The following DPY19L3 variants were observed in gnomAD, a reference collection of about 807,000 sequenced individuals.
The protein encoded by DPY19L3 is dpy-19 like C-mannosyltransferase 3, also known as protein C-mannosyl-transferase DPY19L3.
A neutral mutation model predicts 92.3 loss-of-function variants in DPY19L3; 51 were observed. The ratio of observed to expected loss-of-function variants is 0.55; its 90% CI spans 0.44 to 0.70. The LOEUF (loss-of-function observed/expected upper bound fraction) is 0.70. Among genes scored for constraint, DPY19L3 ranks in the 30% least tolerant of loss-of-function variants. DPY19L3 has a pLI of 0.00. For missense variants in DPY19L3, 706 were observed against 855.9 expected, an observed-to-expected ratio of 0.82 and a Z score of 2.18; for synonymous variants, 309 against 315.2, an observed-to-expected ratio of 0.98 and a Z score of 0.21.
intron 8 of DPY19L3, among the ~76,000 whole-genome samples, chr19:32,440,911 A>G (rs934439915): frequency 2.0e-5 from 3 of 151,992 alleles, no homozygotes; most frequent in Non-Finnish European, 4.4e-5. Context: ...AAGTGAGGGT[A>G]GAATTTGGGT....
At chr19:32,421,975 G>T (rs4583377) in intron 3 of DPY19L3, among the ~76,000 whole-genome samples, 2 of 152,176 alleles carry the variant, frequency 1.3e-5, no homozygotes, top group African/African-American at 4.8e-5. Flanking sequence ...AAAGACTGAA[G>T]AACTCACCCT....
intron 8 of DPY19L3, among the ~76,000 whole-genome samples, chr19:32,446,202 A>T (rs766451723): frequency 9.2e-5 from 14 of 152,210 alleles, no homozygotes; most frequent in Admixed American, 2.0e-4. Context: ...GCATAATGTA[A>T]TAGCCAGAAT....
chr19:32,467,302 T>C (rs1055885039), intron 15 of DPY19L3, among the ~76,000 whole-genome samples: 3 of 152,218 alleles, frequency 2.0e-5, no homozygotes, highest in African/African-American at 7.2e-5. Flanking sequence ...AAATATCTAA[T>C]ATTCATTGAG....
At chr19:32,463,163 T>C (rs960717464) in intron 12 of DPY19L3, among the ~76,000 whole-genome samples, 5 of 152,162 alleles carry the variant, frequency 3.3e-5, no homozygotes, top group African/African-American at 1.2e-4. Flanking sequence ...GAAATTTCAG[T>C]TTTTCTCATT....
chr19:32,414,050 G>A (rs1968290897), intron 3 of DPY19L3, among the ~76,000 whole-genome samples: 1 of 152,002 alleles, frequency 6.6e-6, no homozygotes, highest in South Asian at 2.1e-4. Context: ...GTGCTGGCAG[G>A]GCGTGGTGGA....
At chr19:32,409,796 A>G (rs1968113552) in intron 2 of DPY19L3, among the ~76,000 whole-genome samples, 1 of 152,192 alleles carries the variant, frequency 6.6e-6, no homozygotes. Context: ...AACAGAATGA[A>G]AACTCAGTAC....
intron 18 of DPY19L3, chr19:32,480,870 A>G (rs1483045837): frequency 2.1e-6 from 1 of 467,660 alleles, no homozygotes; most frequent in Non-Finnish European, 3.7e-6. Context: ...TTTTGCTGCT[A>G]TAAACAAAAC....
chr19:32,411,340 C>G lies in DPY19L3; in HGVS notation c.205C>G (p.His69Asp), dbSNP rs545463809. 6.2e-7 allele frequency: 1 copy of G among 1,614,088 alleles called. No individual in the cohort carries two copies. Among genetic ancestry groups the G allele is most frequent in the South Asian group, 1.1e-5 (1 of 91,070 alleles). Residue 69 changes from histidine (H) to aspartate (D), a missense_variant, in exon 3 of 19, where the codon CAT (histidine) becomes GAT (aspartate). Physicochemically the swap from His to Asp is moderately conservative, Grantham distance 81. Coordinates refer to ENST00000392250, the MANE Select transcript of DPY19L3 (RefSeq NM_001172774.2). ...LLTSVYLATL[H>D]ENDLWFSNIK... ...TACATCTGTCTACCTTGCCACGTTA[C>G]ATGAAAATGATTTATGGTTTTCTAA...
intron 3 of DPY19L3, among the ~76,000 whole-genome samples, chr19:32,429,886 C>G (rs1181559796): frequency 6.6e-6 from 1 of 152,130 alleles, no homozygotes; most frequent in Non-Finnish European, 1.5e-5. Flanking sequence ...TTTGGACATT[C>G]TAGAAACGAG....
chr19:32,453,989 TAGA>T (rs1218400949), intron 9 of DPY19L3, among the ~76,000 whole-genome samples: 1 of 152,192 alleles, frequency 6.6e-6, no homozygotes, highest in African/African-American at 2.4e-5. Context: ...TTTCCACTTT[TAGA>T]AGAAGAAATC....
At chr19:32,417,908 T>C (rs1386017636) in intron 3 of DPY19L3, among the ~76,000 whole-genome samples, 7 of 152,170 alleles carry the variant, frequency 4.6e-5, no homozygotes, top group Non-Finnish European at 5.9e-5. Context: ...AACAATGAGC[T>C]CAGGTTTGAC....
Position 32,458,451 on chromosome 19 carries a change from A to AG in DPY19L3, c.1264_1265insG (p.Ile422SerfsTer18). On this transcript the variant is annotated frameshift_variant, in exon 12 of 19. Transcript: ENST00000392250. LOFTEE classifies it high-confidence loss of function. The stretch of plus-strand genomic sequence containing the variant: ...AGATACTCTGCTTTTTTATGCTTAC[A>AG]TATTCGTTCTGTCCATCACAGTGAT... 6.2e-7 allele frequency: 1 copy of AG among 1,613,846 alleles called. No homozygotes were observed. Among genetic ancestry groups the AG allele is most frequent in the Non-Finnish European group, 8.5e-7 (1 of 1,179,978 alleles).
intron 8 of DPY19L3, among the ~76,000 whole-genome samples, chr19:32,446,857 G>A (rs371792912): frequency 2.6e-5 from 4 of 152,050 alleles, no homozygotes; most frequent in African/African-American, 7.3e-5. Flanking sequence ...ACCTTCAACC[G>A]ACAGAATCTA....
intron 3 of DPY19L3, among the ~76,000 whole-genome samples, chr19:32,427,056 C>T (rs903927929): frequency 4.6e-5 from 7 of 152,078 alleles, no homozygotes; most frequent in Non-Finnish European, 8.8e-5. Context: ...TGCAGAGGTG[C>T]GATCTCGGCT....
intron 3 of DPY19L3, among the ~76,000 whole-genome samples, chr19:32,431,792 T>G (rs1247330328): frequency 6.6e-6 from 1 of 152,220 alleles, no homozygotes; most frequent in Non-Finnish European, 1.5e-5. Context: ...AGTCTATGGT[T>G]ATTTGGCATC....
At chr19:32,436,863 A>T (rs1175261248) in intron 5 of DPY19L3, among the ~76,000 whole-genome samples, 1 of 152,164 alleles carries the variant, frequency 6.6e-6, no homozygotes, top group East Asian at 1.9e-4. Flanking sequence ...TTCACTCCTG[A>T]TGGATCTTTG....
Position 32,450,817 on chromosome 19 carries a change from A to G in DPY19L3, c.856-2328A>G, listed in dbSNP as rs200352878. Among the ~76,000 whole-genome samples, 38 of 152,340 alleles carry G rather than the reference A, an allele frequency of 2.5e-4. 1 individual carries two copies. The East Asian group carries it at 3.5e-3, about 14-fold the overall frequency. On this transcript the variant is annotated intron_variant, in intron 8 of 18. Coordinates refer to ENST00000392250, the MANE Select transcript of DPY19L3 (RefSeq NM_001172774.2). ...GTTGCACAACTCTATGAATATACCA[A>G]AAATCATGAAGCACACTTTAAATGG...
At chr19:32,416,877 T>G (rs1480344035) in intron 3 of DPY19L3, among the ~76,000 whole-genome samples, 1 of 152,232 alleles carries the variant, frequency 6.6e-6, no homozygotes, top group Non-Finnish European at 1.5e-5. Context: ...TTTCTGCTCC[T>G]TAGAAGTTGG....
Position 32,484,312 on chromosome 19 carries a change from A to C in DPY19L3, c.*2072A>C, listed in dbSNP as rs571375577. On this transcript the variant is annotated 3_prime_UTR_variant, in exon 19 of 19. Transcript: ENST00000392250. ...CTCTCAACGAATCATGTTATTAATAAATATTTTTAGCACTCATCAGTATTC... is the reference window on the plus strand; with the variant it reads ...CTCTCAACGAATCATGTTATTAATACATATTTTTAGCACTCATCAGTATTC... 6.6e-6 allele frequency: 1 copy of C among 152,664 alleles called. No individual in the cohort carries two copies. Among genetic ancestry groups the C allele is most frequent in the Admixed American group, 6.5e-5 (1 of 15,302 alleles). The allele number at this position is 152,664 out of a possible 1,614,324, so 9.5% of individuals were successfully genotyped here. A position where few individuals can be genotyped will look rare whatever the true frequency, so the allele number is the denominator to read the frequency against.
Sources: allele counts gnomAD v4.1 joint callset (sites outside exome capture counted in the v4.1 genomes callset), GRCh38; gene constraint gnomAD v4.1.1; transcripts MANE v1.5; gene names NCBI Gene and HGNC (gene_info 2026-07-23, HGNC 2026-07-21).